EIF4A3: variants seen among roughly 807,000 people sequenced by gnomAD.
The protein encoded by EIF4A3 is eukaryotic initiation factor 4A-III.
A neutral mutation model predicts 55.6 loss-of-function variants in EIF4A3; 1 was observed. The ratio of observed to expected loss-of-function variants is 0.02; its 90% CI spans 0.01 to 0.09. The LOEUF (loss-of-function observed/expected upper bound fraction) is 0.09, where lower values mean the gene tolerates loss of function less well. EIF4A3 is among the 10% of genes least tolerant of loss of function. The pLI, the probability that EIF4A3 is intolerant of heterozygous loss-of-function variation, is 1.00. For synonymous variants in EIF4A3, 194 were observed against 196.3 expected (o/e 0.99, Z 0.10); for missense variants, 221 against 540.7 (o/e 0.41, Z 5.86).
rs1005442754 is a variant in EIF4A3, at chr17:80,135,055, G to A, written c.*435C>T. ...TACTCCCAGCTACGTGGGAGGCTGA[G>A]GTAGGAGAATGGCATGAACCCAGGA... On this transcript the variant is annotated 3_prime_UTR_variant, in exon 12 of 12. Transcript: ENST00000649764. Among the ~76,000 whole-genome samples, 2 of 151,972 alleles carry A rather than the reference G, an allele frequency of 1.3e-5. No homozygotes were observed. The highest frequency in any genetic ancestry group is 4.8e-5 in the African/African-American group (2 of 41,436).
chr17:80,139,788 C>T, intron 5 of EIF4A3, 38 bp from the exon 6 acceptor site: 1 of 1,593,060 alleles, frequency 6.3e-7, no homozygotes, highest in Non-Finnish European at 8.6e-7. Context: ...CGACAAATCA[C>T]ATCTATGAGA....
chr17:80,142,775 G>C (rs899360541), intron 2 of EIF4A3, among the ~76,000 whole-genome samples: 4 of 152,208 alleles, frequency 2.6e-5, no homozygotes, highest in African/African-American at 4.8e-5. Flanking sequence ...GCCGGGCACA[G>C]TGGCTCACGC....
rs1365171189 is a variant in EIF4A3 at position 80,135,025 on chromosome 17, G to A, written c.*465C>T. ...AAATTAGCCTGGCATGGTGGCGGCCGCCTGTACTCCCAGCTACGTGGGAGG... is the reference window on the plus strand; with the variant it reads ...AAATTAGCCTGGCATGGTGGCGGCCACCTGTACTCCCAGCTACGTGGGAGG... On this transcript the variant is annotated 3_prime_UTR_variant, in exon 12 of 12. Coordinates refer to ENST00000649764, the MANE Select transcript of EIF4A3 (RefSeq NM_014740.4). Among the ~76,000 whole-genome samples, 4 of 151,854 alleles carry A rather than the reference G, an allele frequency of 2.6e-5. No homozygotes were observed. The highest frequency in any genetic ancestry group is 4.8e-5 in the African/African-American group (2 of 41,322).
chr17:80,137,623 A>C, intron 8 of EIF4A3, 122 bp from the exon 9 acceptor site: 2 of 748,992 alleles, frequency 2.7e-6, no homozygotes, highest in Non-Finnish European at 2.2e-6. Context: ...CTGCTCTTAA[A>C]ACTCAGAATC....
At chr17:80,146,474 G>A (rs1598607572) in intron 1 of EIF4A3, among the ~76,000 whole-genome samples, 1 of 152,320 alleles carries the variant, frequency 6.6e-6, no homozygotes, top group East Asian at 1.9e-4. Flanking sequence ...CAAAACCCCA[G>A]TACCTAGAAA....
chr17:80,138,524 GATAA>G (rs767205876), intron 7 of EIF4A3: 86 of 454,722 alleles, frequency 1.9e-4, no homozygotes, highest in Admixed American at 3.8e-4. Context: ...ACGAAACACT[GATAA>G]ATAAATAGTC....
At chr17:80,143,674 C>G (rs1044110613) in intron 2 of EIF4A3, among the ~76,000 whole-genome samples, 2 of 152,274 alleles carry the variant, frequency 1.3e-5, no homozygotes, top group East Asian at 3.9e-4. Context: ...CTAAGCAAAG[C>G]TGGCTAAGAA....
intron 11 of EIF4A3, 54 bp downstream of exon 11, chr17:80,135,950 C>T: frequency 6.4e-7 from 1 of 1,569,262 alleles, no homozygotes; most frequent in Non-Finnish European, 8.6e-7. Flanking sequence ...GTGCCCCAAA[C>T]TAAGAATAGG....
intron 1 of EIF4A3, among the ~76,000 whole-genome samples, chr17:80,145,384 C>A (rs1339546212): frequency 6.6e-6 from 1 of 152,080 alleles, no homozygotes; most frequent in Non-Finnish European, 1.5e-5. Context: ...GGCAACATGG[C>A]AAAATCCCCT....
intron 7 of EIF4A3, 173 bp downstream of exon 7, chr17:80,138,848 A>G (rs1013858511): frequency 1.3e-5 from 11 of 826,032 alleles, no homozygotes; most frequent in Non-Finnish European, 1.9e-5. Context: ...AAGAATTTGC[A>G]TGCTTTCAAT....
intron 6 of EIF4A3, 66 bp from the exon 7 acceptor site, chr17:80,139,228 G>A (rs2039598500): frequency 9.4e-6 from 15 of 1,588,356 alleles, no homozygotes; most frequent in South Asian, 4.5e-5. Context: ...GAAGGTGCAC[G>A]CCCAGTGTTC....
rs1567852180 is a variant in EIF4A3 at position 80,146,992 on chromosome 17, C to G, written c.-31G>C. The stretch of plus-strand genomic sequence containing the variant: ...AGAGTCCGCGGAAGAGCACAGCGCG[C>G]GCCGCTGCCGACCTCGCTGCCGCTG... On this transcript the variant is annotated 5_prime_UTR_variant, in exon 1 of 12. Coordinates refer to ENST00000649764, the MANE Select transcript of EIF4A3 (RefSeq NM_014740.4). 1 of 1,541,760 alleles carries G rather than the reference C, an allele frequency of 6.5e-7. No homozygotes were observed. The highest frequency in any genetic ancestry group is 2.6e-5 in the East Asian group (1 of 38,640).
Position 80,135,406 on chromosome 17 carries a change from A to G in EIF4A3, c.*84T>C. The G allele has an allele frequency of 6.7e-7, 1 of 1,490,928 alleles. No homozygotes were observed. The highest frequency in any genetic ancestry group is 1.3e-5 in the South Asian group (1 of 75,384). The allele number at this position is 1,490,928 out of a possible 1,614,324, so 92.4% of individuals were successfully genotyped here. A position where few individuals can be genotyped will look rare whatever the true frequency, so the allele number is the denominator to read the frequency against. On this transcript the variant is annotated 3_prime_UTR_variant, in exon 12 of 12. Transcript: ENST00000649764. ...TGAGAAGAAAGTCCATATAAACCCC[A>G]TTAAGTAGAATCTGGATCTAAATAC...
intron 7 of EIF4A3, 100 bp downstream of exon 7, chr17:80,138,921 C>T: frequency 1.3e-6 from 2 of 1,489,562 alleles, no homozygotes; most frequent in Non-Finnish European, 1.8e-6. Context: ...TTCAGCAACA[C>T]AGCCAGACTC....
chr17:80,145,905 C>T (rs1386679977), intron 1 of EIF4A3, among the ~76,000 whole-genome samples: 5 of 152,134 alleles, frequency 3.3e-5, no homozygotes, highest in African/African-American at 9.7e-5. Context: ...GCAGCACAAT[C>T]CTCTCTTCCC....
chr17:80,135,917 C>T (rs1598602870), intron 11 of EIF4A3, 87 bp downstream of exon 11: 4 of 1,539,072 alleles, frequency 2.6e-6, no homozygotes, highest in Non-Finnish European at 3.5e-6. Context: ...AAAAAACCCA[C>T]AACAACAAAA....
rs1455848666 is a variant in EIF4A3, at chr17:80,135,826, C to CAT, written c.1219+177_1219+178insAT. ...AGGAGAATTGCTTGAACCCAGGAGG[C>CAT]AGAGGTTGCAGTGAGCCGAAATCGC... On this transcript the variant is annotated intron_variant, in intron 11 of 11. Coordinates refer to ENST00000649764, the MANE Select transcript of EIF4A3 (RefSeq NM_014740.4). 2.6e-5 allele frequency: 19 copies of CAT among 733,186 alleles called. No individual in the cohort carries two copies. The African/African-American group carries it at 3.4e-4, about 13-fold the overall frequency. The allele number at this position is 733,186 out of a possible 1,614,324, so 45.4% of individuals were successfully genotyped here.
chr17:80,144,847 T>TCAAGCCCC (rs2039647036), intron 1 of EIF4A3, among the ~76,000 whole-genome samples: 1 of 152,204 alleles, frequency 6.6e-6, no homozygotes, highest in African/African-American at 2.4e-5. Flanking sequence ...TACAACACCA[T>TCAAGCCCC]CACACCATCT....
intron 6 of EIF4A3, 67 bp downstream of exon 6, chr17:80,139,603 T>G: frequency 6.3e-6 from 9 of 1,423,088 alleles, no homozygotes; most frequent in Non-Finnish European, 8.8e-6. Flanking sequence ...TGTTTCAATT[T>G]TACACTGTGA....
Sources: gnomAD v4.1 joint callset for allele counts (sites outside exome capture counted in the v4.1 genomes callset) on GRCh38, gnomAD v4.1.1 for gene constraint, MANE v1.5 for transcripts, NCBI Gene and HGNC (gene_info 2026-07-23, HGNC 2026-07-21) for gene names.